TRPC1: variants seen among roughly 807,000 people sequenced by gnomAD.
The protein encoded by TRPC1 is short transient receptor potential channel 1.
In TRPC1, 42 loss-of-function variants were observed where a neutral mutation model predicts 88.2. The ratio of observed to expected loss-of-function variants is 0.48; its 90% CI spans 0.37 to 0.62. TRPC1 has a LOEUF of 0.62. Ranked by LOEUF, TRPC1 falls within the 20% of genes least tolerant of loss-of-function variation. TRPC1 has a pLI of 0.00. For synonymous variants in TRPC1, 288 were observed against 331.8 expected (o/e 0.87, Z 1.43); for missense variants, 699 against 957.3 (o/e 0.73, Z 3.56).
intron 1 of TRPC1, among the ~76,000 whole-genome samples, chr3:142,731,471 G>A (rs957095723): frequency 1.5e-5 from 2 of 132,460 alleles, no homozygotes; most frequent in Non-Finnish European, 3.1e-5. Flanking sequence ...TGCAAGCTCC[G>A]CCTCCCACGT....
At chr3:142,741,457 T>C (rs1934346494) in intron 2 of TRPC1, among the ~76,000 whole-genome samples, 1 of 152,230 alleles carries the variant, frequency 6.6e-6, no homozygotes, top group Non-Finnish European at 1.5e-5. Flanking sequence ...TTATTTTACT[T>C]TGCTTCATAT....
At chr3:142,763,807 A>G (rs1935272791) in intron 4 of TRPC1, among the ~76,000 whole-genome samples, 1 of 151,400 alleles carries the variant, frequency 6.6e-6, no homozygotes, top group Non-Finnish European at 1.5e-5. Flanking sequence ...CTCTGGTAGT[A>G]TATTTTAATT....
At chr3:142,727,392 T>C (rs1933725558) in intron 1 of TRPC1, among the ~76,000 whole-genome samples, 2 of 152,208 alleles carry the variant, frequency 1.3e-5, no homozygotes, top group Admixed American at 1.3e-4. Flanking sequence ...GATATGTGTA[T>C]GTTAGTGGAT....
chr3:142,726,117 C>T (rs1933660923), intron 1 of TRPC1, among the ~76,000 whole-genome samples: 1 of 152,144 alleles, frequency 6.6e-6, no homozygotes, highest in African/African-American at 2.4e-5. Context: ...TGCCTGAGTT[C>T]TCTTCCCTCA....
chr3:142,794,107 G>T (rs571116728), intron 9 of TRPC1, among the ~76,000 whole-genome samples: 76 of 152,198 alleles, frequency 5.0e-4, no homozygotes, highest in Admixed American at 2.5e-3. Context: ...TGTTTTTCAT[G>T]AAATATGTGC....
chr3:142,781,253 G>A (rs1935950418), intron 6 of TRPC1, among the ~76,000 whole-genome samples: 1 of 152,108 alleles, frequency 6.6e-6, no homozygotes, highest in South Asian at 2.1e-4. Flanking sequence ...CATTAAGCAA[G>A]TATGCAATAA....
chr3:142,752,900 G>A (rs1315176831), intron 4 of TRPC1, among the ~76,000 whole-genome samples: 1 of 151,878 alleles, frequency 6.6e-6, no homozygotes, highest in Non-Finnish European at 1.5e-5. Context: ...GTTTTTGTGA[G>A]CTCCAAGTTG....
rs116449112 is a variant in TRPC1 at position 142,780,661 on chromosome 3, T to A, written c.765-173T>A. 5.9e-3 allele frequency among the ~76,000 whole-genome samples: 894 copies of A among 152,336 alleles called. 11 individuals are homozygous for A. Among genetic ancestry groups the A allele is most frequent in the African/African-American group, 0.021 (871 of 41,578 alleles). On this transcript the variant is annotated intron_variant, in intron 5 of 12. Transcript: ENST00000476941. ...ATTGTGTTATGGTTTTCCCCAAAGC[T>A]GTGGAAAATTCGTGCATCACTAGTT... is the stretch of plus-strand genomic sequence containing the variant.
intron 12 of TRPC1, among the ~76,000 whole-genome samples, 186 bp from the exon 13 acceptor site, chr3:142,805,822 T>A (rs1936775924): frequency 6.6e-6 from 1 of 152,298 alleles, no homozygotes; most frequent in Non-Finnish European, 1.5e-5. Context: ...TAAAATTAAA[T>A]TCATTAAACA....
At chr3:142,748,545 C>T in intron 4 of TRPC1, 85 bp downstream of exon 4, 1 of 1,439,480 alleles carries the variant, frequency 6.9e-7, no homozygotes, top group Non-Finnish European at 9.6e-7. Flanking sequence ...TTCTATGCAG[C>T]TTTTAAGAAA....
chr3:142,757,185 T>C (rs1935001769), intron 4 of TRPC1, among the ~76,000 whole-genome samples: 1 of 152,084 alleles, frequency 6.6e-6, no homozygotes, highest in South Asian at 2.1e-4. Context: ...GCAATAAACA[T>C]GGGAATGCAG....
intron 2 of TRPC1, among the ~76,000 whole-genome samples, chr3:142,740,114 TC>T (rs1934293199): frequency 6.6e-6 from 1 of 152,206 alleles, no homozygotes; most frequent in Non-Finnish European, 1.5e-5. Flanking sequence ...AACAGTTTCA[TC>T]CGAAACTATC....
At chr3:142,775,957 C>A (rs1378268137) in intron 4 of TRPC1, among the ~76,000 whole-genome samples, 1 of 152,138 alleles carries the variant, frequency 6.6e-6, no homozygotes, top group African/African-American at 2.4e-5. Flanking sequence ...ATACAAATGC[C>A]ATATTCCCTA....
intron 4 of TRPC1, among the ~76,000 whole-genome samples, chr3:142,760,566 CT>C (rs1171488038): frequency 6.6e-6 from 1 of 152,034 alleles, no homozygotes; most frequent in African/African-American, 2.4e-5. Flanking sequence ...TATTTGGAGT[CT>C]TTTGTGGTTT....
intron 1 of TRPC1, among the ~76,000 whole-genome samples, chr3:142,728,349 T>C (rs1933764099): frequency 6.6e-6 from 1 of 151,608 alleles, no homozygotes; most frequent in South Asian, 2.1e-4. Flanking sequence ...TTTTTTTTTT[T>C]TGAGATGGAG....
chr3:142,798,682 A>G (rs555393948), intron 9 of TRPC1, among the ~76,000 whole-genome samples: 4 of 152,302 alleles, frequency 2.6e-5, no homozygotes, highest in South Asian at 2.1e-4. Context: ...TGGGCTGGAC[A>G]CTGAAGGTCT....
intron 7 of TRPC1, among the ~76,000 whole-genome samples, chr3:142,787,955 G>C (rs1404015279): frequency 6.6e-6 from 1 of 152,212 alleles, no homozygotes; most frequent in Non-Finnish European, 1.5e-5. Flanking sequence ...TCAGTGGCAA[G>C]AGAGAGAATG....
Position 142,724,538 on chromosome 3 carries a change from C to A in TRPC1, c.-22C>A. 1.9e-6 allele frequency: 3 copies of A among 1,543,394 alleles called. No homozygotes were observed. The highest frequency in any genetic ancestry group is 1.4e-5 in the African/African-American group (1 of 71,942). On this transcript the variant is annotated 5_prime_UTR_variant, in exon 1 of 13. Coordinates refer to ENST00000476941, the MANE Select transcript of TRPC1 (RefSeq NM_001251845.2). This position sits in a 1 kb window ranked among gnomAD's most constrained non-coding sequence, Gnocchi z 5.6. ...TGGGGGCCCCGCCCCCGTCTCCTGG[C>A]CTGCCCCCTTCATGGGCCGCGATGA...
chr3:142,790,708 G>A (rs1016651869), intron 7 of TRPC1, among the ~76,000 whole-genome samples: 2 of 151,986 alleles, frequency 1.3e-5, no homozygotes, highest in African/African-American at 4.8e-5. Context: ...CCCTGTGTAT[G>A]CATCCATGTG....
Sources: allele counts gnomAD v4.1 joint callset (sites outside exome capture counted in the v4.1 genomes callset), GRCh38; gene constraint gnomAD v4.1.1; non-coding constraint Gnocchi (gnomAD v3.1); transcripts MANE v1.5; gene names NCBI Gene and HGNC (gene_info 2026-07-23, HGNC 2026-07-21).